The following ANKRD42 variants were observed in gnomAD, a reference collection of about 807,000 sequenced individuals.
ANKRD42 encodes the protein ankyrin repeat domain 42.
Under a neutral mutation model 51.5 loss-of-function variants are expected in ANKRD42, and 43 were observed. The ratio of observed to expected loss-of-function variants is 0.83; its 90% CI spans 0.65 to 1.08. The LOEUF (loss-of-function observed/expected upper bound fraction) is 1.08. Ranked by LOEUF, ANKRD42 falls within the 50% of genes least tolerant of loss-of-function variation. The probability of loss-of-function intolerance (pLI) is 0.00; values close to 1 mark genes in which losing one functional copy is unlikely to be tolerated. For synonymous variants in ANKRD42, 203 were observed against 213.0 expected (o/e 0.95, Z 0.41); for missense variants, 608 against 629.3 (o/e 0.97, Z 0.36).
At chr11:83,240,411 G>C (rs901348174) in intron 8 of ANKRD42, among the ~76,000 whole-genome samples, 1 of 152,176 alleles carries the variant, frequency 6.6e-6, no homozygotes, top group East Asian at 1.9e-4. Flanking sequence ...AATAACTGTA[G>C]GTAATCAAGG....
chr11:83,224,710 G>T (rs1235969874), intron 5 of ANKRD42, 145 bp from the exon 6 acceptor site: 1 of 533,576 alleles, frequency 1.9e-6, no homozygotes, highest in South Asian at 4.5e-5. Context: ...CTTGAGCCCA[G>T]GAGTTGGAGG....
chr11:83,200,333 C>T (rs913221695), intron 2 of ANKRD42, among the ~76,000 whole-genome samples: 4 of 151,990 alleles, frequency 2.6e-5, no homozygotes, highest in Non-Finnish European at 4.4e-5. Flanking sequence ...TTGGCTTTAT[C>T]GCTTCTACAT....
chr11:83,198,792 C>G, intron 2 of ANKRD42, 150 bp downstream of exon 2: 1 of 651,194 alleles, frequency 1.5e-6, no homozygotes, highest in Non-Finnish European at 2.3e-6. Flanking sequence ...TTCCACTTTG[C>G]TAGGGCTTTA....
chr11:83,207,684 T>C (rs1163363152), intron 3 of ANKRD42, among the ~76,000 whole-genome samples: 2 of 152,218 alleles, frequency 1.3e-5, no homozygotes, highest in African/African-American at 2.4e-5. Context: ...TTCCCTTTTA[T>C]ATAGGTTACA....
rs758329458 is a variant in ANKRD42 at position 83,247,936 on chromosome 11, T to C, written c.1323-7T>C. 1 of 1,577,662 alleles carries C rather than the reference T, an allele frequency of 6.3e-7. No homozygotes were observed. The highest frequency in any genetic ancestry group is 8.6e-7 in the Non-Finnish European group (1 of 1,166,924). On this transcript the variant is annotated splice_region_variant and splice_polypyrimidine_tract_variant and intron_variant, in intron 10 of 10. Coordinates refer to ENST00000533342, the MANE Select transcript of ANKRD42 (RefSeq NM_001300975.2). The stretch of plus-strand genomic sequence containing the variant: ...GATTGATTTTTAAAAAATTTTGTTT[T>C]TGATAGGACCATCAAAGAACTGCAG...
Position 83,248,679 on chromosome 11 carries a change from A to G in ANKRD42, c.*475A>G. ...CCTGGCTTCTTTTTATTTTGCACAA[A>G]CTAGTCATTGGTCTCTTTAATAACC... On this transcript the variant is annotated 3_prime_UTR_variant, in exon 11 of 11. Transcript: ENST00000533342. 1.0e-6 allele frequency: 1 copy of G among 980,838 alleles called. No homozygotes were observed. The highest frequency in any genetic ancestry group is 1.2e-6 in the Non-Finnish European group (1 of 825,808). 60.8% of individuals were successfully genotyped at this position (980,838 alleles called of 1,614,324 possible).
In ANKRD42 at chr11:83,214,937, G is replaced by C. The variant is rs924195871; in HGVS notation, c.586+3507G>C. On this transcript the variant is annotated intron_variant, in intron 5 of 10. Transcript: ENST00000533342. Reference sequence around the variant, plus strand: ...ATCAATCTACTCTCTATCTTCATGAGACCAGCGTATTTTAGCTCCCACATA... The same window carrying C: ...ATCAATCTACTCTCTATCTTCATGACACCAGCGTATTTTAGCTCCCACATA... 3 of 152,144 alleles carry C rather than the reference G, an allele frequency of 2.0e-5. 1 individual carries two copies. Among genetic ancestry groups the C allele is most frequent in the Non-Finnish European group, 4.4e-5 (3 of 68,042 alleles). The allele number at this position is 152,144 out of a possible 1,614,324, so 9.4% of individuals were successfully genotyped here.
intron 9 of ANKRD42, among the ~76,000 whole-genome samples, chr11:83,242,399 G>A (rs1431940254): frequency 6.7e-6 from 1 of 150,242 alleles, no homozygotes; most frequent in East Asian, 2.0e-4. Context: ...TTATGGCTTG[G>A]ACTGGAGTGG....
downstream of ANKRD42, chr11:83,260,197 TAAC>T (rs1053390779): frequency 9.9e-5 from 15 of 152,212 alleles, no homozygotes; most frequent in African/African-American, 1.4e-4. Context: ...TTTTAAATCT[TAAC>T]AAACCAATAA....
chr11:83,201,414 G>A (rs1861868441), intron 2 of ANKRD42, among the ~76,000 whole-genome samples: 1 of 152,144 alleles, frequency 6.6e-6, no homozygotes, highest in Non-Finnish European at 1.5e-5. Flanking sequence ...CATTTGGGTT[G>A]GTTCCAAGTC....
downstream of ANKRD42, chr11:83,256,178 A>G (rs1013385198): frequency 7.9e-6 from 2 of 252,962 alleles, no homozygotes; most frequent in African/African-American, 4.5e-5. Flanking sequence ...TTTATGAGTA[A>G]TTAATTTTAC....
chr11:83,212,600 G>C (rs535791160), intron 5 of ANKRD42: 3 of 1,368,104 alleles, frequency 2.2e-6, no homozygotes, highest in Middle Eastern at 1.8e-4. Flanking sequence ...AACACACAAA[G>C]GGGAAGGGCA....
intron 1 of ANKRD42, among the ~76,000 whole-genome samples, chr11:83,195,829 TACTCTCTC>T (rs1208849713): frequency 1.3e-5 from 2 of 151,062 alleles, no homozygotes; most frequent in African/African-American, 4.9e-5. Context: ...ATGATCTACC[TACTCTCTC>T]TCTCTCTCTT....
At chr11:83,237,827 T>C (rs1227470381) in intron 8 of ANKRD42, among the ~76,000 whole-genome samples, 2 of 152,204 alleles carry the variant, frequency 1.3e-5, no homozygotes, top group African/African-American at 2.4e-5. Flanking sequence ...ACAATTAAGA[T>C]AGTGAACATA....
chr11:83,238,503 T>G (rs1863287041), intron 8 of ANKRD42, among the ~76,000 whole-genome samples: 1 of 151,686 alleles, frequency 6.6e-6, no homozygotes, highest in African/African-American at 2.4e-5. Context: ...GAGACCAGTC[T>G]GGCCAACATG....
chr11:83,224,798 C>T (rs1197839789), intron 5 of ANKRD42, 57 bp from the exon 6 acceptor site: 8 of 1,343,732 alleles, frequency 6.0e-6, no homozygotes, highest in South Asian at 1.6e-5. Context: ...TACATACATA[C>T]ATACATAAAA....
chr11:83,254,435 CTTT>C (rs1296141872), intron 11 of ANKRD42, among the ~76,000 whole-genome samples: 4 of 136,298 alleles, frequency 2.9e-5, no homozygotes, highest in Admixed American at 7.3e-5. Context: ...TTTTTCTTTT[CTTT>C]TTTTTTTTTT....
chr11:83,223,544 T>C (rs1862781431), intron 5 of ANKRD42, among the ~76,000 whole-genome samples: 1 of 152,124 alleles, frequency 6.6e-6, no homozygotes, highest in Non-Finnish European at 1.5e-5. Flanking sequence ...TGGAGAGAAC[T>C]TCCATTAACC....
chr11:83,221,819 G>C (rs907124505), intron 5 of ANKRD42, among the ~76,000 whole-genome samples: 1 of 152,234 alleles, frequency 6.6e-6, no homozygotes, highest in Non-Finnish European at 1.5e-5. Context: ...CTTAGTTACA[G>C]AGCAGAGTTT....
Sources: gnomAD v4.1 joint callset for allele counts (sites outside exome capture counted in the v4.1 genomes callset) on GRCh38, gnomAD v4.1.1 for gene constraint, MANE v1.5 for transcripts, NCBI Gene and HGNC (gene_info 2026-07-23, HGNC 2026-07-21) for gene names.